The following SLC39A5 variants were observed in gnomAD, a reference collection of about 807,000 sequenced individuals.
The protein encoded by SLC39A5 is solute carrier family 39 member 5.
Under a neutral mutation model 46.9 loss-of-function variants are expected in SLC39A5, and 42 were observed. The ratio of observed to expected loss-of-function variants is 0.90; its 90% CI spans 0.70 to 1.16. SLC39A5 has a LOEUF of 1.16. Ranked by LOEUF, SLC39A5 falls within the 50% of genes most tolerant of loss-of-function variation. The pLI is 0.00. For synonymous variants in SLC39A5, 311 were observed against 323.1 expected (o/e 0.96, Z 0.40); for missense variants, 677 against 686.8 (o/e 0.99, Z 0.16).
rs377267138 is a variant in SLC39A5, at chr12:56,231,453, G to A, written c.179G>A (p.Arg60Gln). Reference sequence around the variant, plus strand: ...ACGCTGACTGCAGGGGGCTTGGCGCGGCTTCTCCACAGCCTGGGGCTAGGC... The same window carrying A: ...ACGCTGACTGCAGGGGGCTTGGCGCAGCTTCTCCACAGCCTGGGGCTAGGC... ...NGTLTAGGLA[R>Q]LLHSLGLGRV... Residue 60 changes from arginine (R) to glutamine (Q), a missense_variant, in exon 4 of 13, where the codon CGG (arginine) becomes CAG (glutamine). Transcript: ENST00000454355. 152 of 1,613,944 alleles carry A rather than the reference G, an allele frequency of 9.4e-5. No homozygotes were observed. Among genetic ancestry groups the A allele is most frequent in the South Asian group, 9.2e-4 (84 of 91,066 alleles).
rs1870780296 is a variant in SLC39A5, at chr12:56,236,493, G to GT, written c.1042+2dup. On this transcript the variant is annotated splice_donor_variant, in intron 9 of 12. Transcript: ENST00000454355. LOFTEE classifies it high-confidence loss of function. ...CTTCAGCCCCTACAGGCAGCTCCAG[G>GT]TGACTAGAGGAGAAAATTTGAAGAG... 1 of 1,614,240 alleles carries GT rather than the reference G, an allele frequency of 6.2e-7. No individual in the cohort carries two copies. The highest frequency in any genetic ancestry group is 1.7e-5 in the Admixed American group (1 of 60,032).
chr12:56,232,963 T>C (rs1870375630), intron 5 of SLC39A5, 91 bp downstream of exon 5: 2 of 1,371,624 alleles, frequency 1.5e-6, no homozygotes, highest in South Asian at 1.3e-5. Flanking sequence ...TTTGTTTTGT[T>C]TTTAAATCCC....
rs1203815580 is a variant in SLC39A5 at position 56,235,494 on chromosome 12, T to C, written c.805-66T>C. 3 of 1,564,630 alleles carry C rather than the reference T, an allele frequency of 1.9e-6. No homozygotes were observed. In the African/African-American group the frequency reaches 4.1e-5, roughly 21 times the overall value. The stretch of plus-strand genomic sequence containing the variant: ...GCATATGAGCGAAGGCTTGCCACAA[T>C]CCATGCAAGGGGATGTTGTTGGGTA... On this transcript the variant is annotated intron_variant, in intron 7 of 12. Transcript: ENST00000454355.
At chr12:56,233,753 T>C (rs879937379) in intron 5 of SLC39A5, among the ~76,000 whole-genome samples, 1 of 152,198 alleles carries the variant, frequency 6.6e-6, no homozygotes, top group Non-Finnish European at 1.5e-5. Context: ...TGCCTAACCC[T>C]GATGGAGGTC....
intron 4 of SLC39A5, among the ~76,000 whole-genome samples, chr12:56,232,161 C>CTTTTTTTTTTTTTTTTTT (rs767220492): frequency 2.6e-4 from 30 of 117,246 alleles, no homozygotes; most frequent in African/African-American, 3.2e-4. Context: ...CTTTTCTTTT[C>CTTTTTTTTTTTTTTTTTT]TTTTTTTTTT....
rs560647473 is a variant in SLC39A5, at chr12:56,236,904, GA to G, written c.1208-26del. The G allele has an allele frequency of 2.4e-3, 3,886 of 1,613,312 alleles. 4 individuals are homozygous for G. The highest frequency in any genetic ancestry group is 5.1e-3 in the Admixed American group (305 of 59,950). On this transcript the variant is annotated intron_variant, in intron 10 of 12. Transcript: ENST00000454355. Reference sequence around the variant, plus strand: ...TCTGAGGAGACTTTTCTTCTGGACTGACAACTTCCGACCCTGCTGGCCCCAG... The same window carrying G: ...TCTGAGGAGACTTTTCTTCTGGACTGCAACTTCCGACCCTGCTGGCCCCAG...
chr12:56,231,516 T>C lies in SLC39A5; in HGVS notation c.242T>C (p.Leu81Pro), dbSNP rs143583398. Residue 81 changes from leucine to proline, a missense_variant, in exon 4 of 13, where the codon CTG becomes CCG. Coordinates refer to ENST00000454355, the MANE Select transcript of SLC39A5 (RefSeq NM_173596.3). ...CTTCGCCTGGGACAGCATGGGCCTC[T>C]GACTGGACGGGCTGCATCCCCAGCT... is the stretch of plus-strand genomic sequence containing the variant. Reference protein sequence around the residue: ...QGLRLGQHGPLTGRAASPAAD... With the variant: ...QGLRLGQHGPPTGRAASPAAD... The C allele has an allele frequency of 1.9e-6, 3 of 1,593,144 alleles. No individual in the cohort carries two copies. Among genetic ancestry groups the C allele is most frequent in the African/African-American group, 2.7e-5 (2 of 74,468 alleles).
intron 5 of SLC39A5, among the ~76,000 whole-genome samples, chr12:56,234,452 T>G (rs530442639): frequency 6.6e-6 from 1 of 151,958 alleles, no homozygotes; most frequent in East Asian, 1.9e-4. Context: ...GTAGCTGGGA[T>G]CACAGGTGCA....
At chr12:56,235,037 C>G in intron 6 of SLC39A5, 51 bp downstream of exon 6, 1 of 1,604,132 alleles carries the variant, frequency 6.2e-7, no homozygotes, top group Non-Finnish European at 8.5e-7. Context: ...GAAGTGGGGC[C>G]CATGCCAAAA....
chr12:56,235,873 T>C, intron 8 of SLC39A5, 173 bp downstream of exon 8: 3 of 798,072 alleles, frequency 3.8e-6, no homozygotes, highest in South Asian at 3.1e-5. Context: ...TGAAACCCTG[T>C]CTCTACTAAA....
chr12:56,231,206 C>T lies in SLC39A5; in HGVS notation c.-69C>T, dbSNP rs956219358. 2.2e-5 allele frequency: 33 copies of T among 1,486,290 alleles called. No individual in the cohort carries two copies. The South Asian group carries it at 4.4e-4, about 20-fold the overall frequency. The allele number at this position is 1,486,290 out of a possible 1,614,324, so 92.1% of individuals were successfully genotyped here. On this transcript the variant is annotated splice_region_variant and 5_prime_UTR_variant, in exon 4 of 13. Transcript: ENST00000454355. Reference sequence around the variant, plus strand: ...CAGCCCATTCCTCATTCTTCCAGGGCACAGTCCTCAGGATGTTTCGGGGAG... The same window carrying T: ...CAGCCCATTCCTCATTCTTCCAGGGTACAGTCCTCAGGATGTTTCGGGGAG...
chr12:56,233,271 A>C (rs1341811413), intron 5 of SLC39A5, among the ~76,000 whole-genome samples: 2 of 101,462 alleles, frequency 2.0e-5, no homozygotes, highest in African/African-American at 8.7e-5. Context: ...TCTCAAAAAA[A>C]AAAAAAAAAA....
In SLC39A5 at chr12:56,231,544, A is replaced by C; in HGVS notation, c.270A>C (p.Ala90=). The C allele has an allele frequency of 6.4e-7, 1 of 1,566,252 alleles. No individual in the cohort carries two copies. The highest frequency in any genetic ancestry group is 8.7e-7 in the Non-Finnish European group (1 of 1,154,794). ...PLTGRAASPA[A]DNSTHRPQNP... The stretch of plus-strand genomic sequence containing the variant: ...CTGGACGGGCTGCATCCCCAGCTGC[A>C]GACAATTCCACACACAGGTACTGAC... Residue 90 remains alanine (A), a synonymous_variant, in exon 4 of 13, where the codon GCA becomes GCC. Coordinates refer to ENST00000454355, the MANE Select transcript of SLC39A5 (RefSeq NM_173596.3).
Position 56,237,748 on chromosome 12 carries a change from G to T in SLC39A5, c.*17G>T. On this transcript the variant is annotated 3_prime_UTR_variant, in exon 13 of 13. Transcript: ENST00000454355. The stretch of plus-strand genomic sequence containing the variant: ...GAGGGCTGATGGGGCCAGTGGAAAG[G>T]GGTCGGGTTGCCCTTCCTTCCCCCC... 1 of 1,515,824 alleles carries T rather than the reference G, an allele frequency of 6.6e-7. No individual in the cohort carries two copies. Among genetic ancestry groups the T allele is most frequent in the Non-Finnish European group, 8.8e-7 (1 of 1,134,176 alleles). 93.9% of individuals were successfully genotyped at this position (1,515,824 alleles called of 1,614,324 possible). A position where few individuals can be genotyped will look rare whatever the true frequency, so the allele number is the denominator to read the frequency against.
chr12:56,231,427 G>A lies in SLC39A5; in HGVS notation c.153G>A (p.Gly51=), dbSNP rs754638809. The A allele has an allele frequency of 6.2e-7, 1 of 1,614,164 alleles. No individual in the cohort carries two copies. The highest frequency in any genetic ancestry group is 8.5e-7 in the Non-Finnish European group (1 of 1,180,028). The change falls in exon 4 of 13, where the codon GGG becomes GGA. Residue 51 remains glycine (G), a synonymous_variant. Coordinates refer to ENST00000454355, the MANE Select transcript of SLC39A5 (RefSeq NM_173596.3). ...TGTTTGGCCTGTACGGCGAGAATGG[G>A]ACGCTGACTGCAGGGGGCTTGGCGC... ...AQLFGLYGEN[G]TLTAGGLARL...
Position 56,237,649 on chromosome 12 carries a change from T to C in SLC39A5, c.1541T>C (p.Leu514Pro). 1 of 1,611,154 alleles carries C rather than the reference T, an allele frequency of 6.2e-7. No individual in the cohort carries two copies. The highest frequency in any genetic ancestry group is 1.1e-5 in the South Asian group (1 of 90,798). Residue 514 changes from leucine (L) to proline (P), a missense_variant, in exon 13 of 13, where the codon CTG becomes CCG. Leu to Pro is a moderately conservative substitution (Grantham distance 98). Coordinates refer to ENST00000454355, the MANE Select transcript of SLC39A5 (RefSeq NM_173596.3). ...LPTPHVLLQG[L>P]GLLLGGGLML... Reference sequence around the variant, plus strand: ...ACGCCCCATGTGCTCCTGCAGGGGCTGGGGCTGCTGCTGGGGGGCGGCCTC... The same window carrying C: ...ACGCCCCATGTGCTCCTGCAGGGGCCGGGGCTGCTGCTGGGGGGCGGCCTC...
In SLC39A5 at chr12:56,231,372, A is replaced by C. The variant is rs372533623; in HGVS notation, c.98A>C (p.Glu33Ala). 4 of 1,613,974 alleles carry C rather than the reference A, an allele frequency of 2.5e-6. No homozygotes were observed. The highest frequency in any genetic ancestry group is 3.4e-6 in the Non-Finnish European group (4 of 1,180,008). The change falls in exon 4 of 13, where the codon GAG becomes GCG. Residue 33 changes from glutamate to alanine, a missense_variant. By Grantham distance (107) the Glu-to-Ala change is moderately radical (BLOSUM62 -1). Transcript: ENST00000454355. ...GGSVPNLGPA[E>A]QEQNHYLAQL... is the part of the protein sequence containing the mutation. Reference sequence around the variant, plus strand: ...TCAGTCCCCAACCTGGGCCCTGCTGAGCAGGAGCAGAACCATTACCTGGCC... The same window carrying C: ...TCAGTCCCCAACCTGGGCCCTGCTGCGCAGGAGCAGAACCATTACCTGGCC...
intron 2 of SLC39A5, 115 bp downstream of exon 2, chr12:56,230,410 GA>G (rs1870096046): frequency 6.6e-6 from 1 of 152,246 alleles, no homozygotes. Flanking sequence ...CCTTCCCAAG[GA>G]ATATGGGGAT....
chr12:56,237,568 A>T lies in SLC39A5; in HGVS notation c.1480-20A>T. The T allele has an allele frequency of 6.2e-7, 1 of 1,613,634 alleles. No individual in the cohort carries two copies. Among genetic ancestry groups the T allele is most frequent in the Admixed American group, 1.7e-5 (1 of 59,980 alleles). Reference sequence around the variant, plus strand: ...GGTCAGGGGCAAGGCCAGAATCCTGACATCCTCTTTTTCTTTCAGCTACCA... The same window carrying T: ...GGTCAGGGGCAAGGCCAGAATCCTGTCATCCTCTTTTTCTTTCAGCTACCA... On this transcript the variant is annotated intron_variant, in intron 12 of 12. Transcript: ENST00000454355.
Sources: allele counts gnomAD v4.1 joint callset (sites outside exome capture counted in the v4.1 genomes callset), GRCh38; gene constraint gnomAD v4.1.1; transcripts MANE v1.5; gene names NCBI Gene and HGNC (gene_info 2026-07-23, HGNC 2026-07-21).